CBR1: variants seen among roughly 807,000 people sequenced by gnomAD.
CBR1 encodes carbonyl reductase [NADPH] 1.
In CBR1, 11 loss-of-function variants were observed where a neutral mutation model predicts 10.6. That is an observed-to-expected ratio of 1.03 (90% CI 0.65 to 1.71). The LOEUF is 1.71. Among genes scored for constraint, CBR1 ranks in the 40% most tolerant of loss-of-function variants. The pLI, the probability that CBR1 is intolerant of heterozygous loss-of-function variation, is 0.00. For synonymous variants in CBR1, 158 were observed against 156.7 expected (o/e 1.01, Z -0.06); for missense variants, 361 against 368.6 (o/e 0.98, Z 0.17).
At chr21:36,072,017 A>G in intron 2 of CBR1, 1 of 1,522,356 alleles carries the variant, frequency 6.6e-7, no homozygotes, top group Non-Finnish European at 8.8e-7. Context: ...TAGTTACCCT[A>G]AGTAATGGGA....
chr21:36,072,723 C>T lies in CBR1; in HGVS notation c.675C>T (p.Ala225=), dbSNP rs1449269741. 29 of 1,614,024 alleles carry T rather than the reference C, an allele frequency of 1.8e-5. No homozygotes were observed. The highest frequency in any genetic ancestry group is 2.2e-5 in the Non-Finnish European group (26 of 1,180,038). The change falls in exon 3 of 3, where the codon GCC becomes GCT. Residue 225 remains alanine, a synonymous_variant. Transcript: ENST00000290349. ...QRKGDKILLN[A]CCPGWVRTDM... ...AAGGGGACAAGATCCTCCTGAATGCCTGCTGCCCAGGGTGGGTGAGAACTG... is the reference window on the plus strand; with the variant it reads ...AAGGGGACAAGATCCTCCTGAATGCTTGCTGCCCAGGGTGGGTGAGAACTG...
chr21:36,072,298 C>T, intron 2 of CBR1, 148 bp from the exon 3 acceptor site: 1 of 1,557,870 alleles, frequency 6.4e-7, no homozygotes, highest in Non-Finnish European at 8.7e-7. Flanking sequence ...TACCACCACA[C>T]TTTCTATGCG....
chr21:36,071,538 C>T (rs988018235), intron 2 of CBR1: 2 of 559,570 alleles, frequency 3.6e-6, no homozygotes, highest in Non-Finnish European at 6.4e-6. Flanking sequence ...CTTCCTGATG[C>T]CTTTCCCCAC....
chr21:36,070,861 T>TTTTG (rs1568956961), intron 1 of CBR1, 89 bp from the exon 2 acceptor site: 33 of 698,504 alleles, frequency 4.7e-5, no homozygotes, highest in South Asian at 1.2e-4. Context: ...AAGTTTTTTT[T>TTTTG]TTTTTTTTTT....
At chr21:36,070,467 C>T (rs556896935) in intron 1 of CBR1, 63 bp downstream of exon 1, 766 of 1,491,958 alleles carry the variant, frequency 5.1e-4, no homozygotes, top group Non-Finnish European at 6.6e-4. Context: ...CTGGCGTCTG[C>T]GGGGTCCATA....
Position 36,072,878 on chromosome 21 carries a change from G to A in CBR1, c.830G>A (p.Trp277Ter). 1 of 1,607,914 alleles carries A rather than the reference G, an allele frequency of 6.2e-7. No homozygotes were observed. The highest frequency in any genetic ancestry group is 8.5e-7 in the Non-Finnish European group (1 of 1,176,294). Reference sequence around the variant, plus strand: ...GTTTCAGAGAAGAGAGTTGAACAGTGGTGAGCTGGGCTCACAGCTCCATCC... The same window carrying A: ...GTTTCAGAGAAGAGAGTTGAACAGTAGTGAGCTGGGCTCACAGCTCCATCC... ...QFVSEKRVEQ[W>*] The change falls in exon 3 of 3, where the codon TGG becomes TAG. Residue 277 changes from tryptophan to a stop codon, truncating the protein, a stop_gained. Transcript: ENST00000290349. LOFTEE classifies it high-confidence loss of function.
chr21:36,072,553 G>A lies in CBR1; in HGVS notation c.505G>A (p.Val169Met), dbSNP rs557925178. The change falls in exon 3 of 3, where the codon GTG becomes ATG. Residue 169 changes from valine to methionine, a missense_variant. Coordinates refer to ENST00000290349, the MANE Select transcript of CBR1 (RefSeq NM_001757.4). ...RSETITEEEL[V>M]GLMNKFVEDT... Reference sequence around the variant, plus strand: ...TGAGACCATCACTGAGGAGGAGCTGGTGGGGCTCATGAACAAGTTTGTGGA... The same window carrying A: ...TGAGACCATCACTGAGGAGGAGCTGATGGGGCTCATGAACAAGTTTGTGGA... 33 of 1,600,954 alleles carry A rather than the reference G, an allele frequency of 2.1e-5. No individual in the cohort carries two copies. The highest frequency in any genetic ancestry group is 2.7e-5 in the Non-Finnish European group (32 of 1,174,108).
At chr21:36,071,840 A>T in intron 2 of CBR1, 1 of 1,535,944 alleles carries the variant, frequency 6.5e-7, no homozygotes, top group African/African-American at 1.4e-5. Context: ...CTGCATGGTC[A>T]TGCCTCTCCC....
rs763436504 is a variant in CBR1, at chr21:36,072,614, G to A, written c.566G>A (p.Trp189Ter). The A allele has an allele frequency of 1.9e-6, 3 of 1,605,190 alleles. No individual in the cohort carries two copies. The highest frequency in any genetic ancestry group is 2.6e-6 in the Non-Finnish European group (3 of 1,175,498). ...TKKGVHQKEG[W>*]PSSAYGVTKI... ...AAGGGAGTGCACCAGAAGGAGGGCT[G>A]GCCCAGCAGCGCATACGGGGTGACG... Residue 189 changes from tryptophan (W) to a stop codon, truncating the protein, a stop_gained, in exon 3 of 3, where the codon TGG becomes TAG. Transcript: ENST00000290349. LOFTEE classifies it low-confidence loss of function (END_TRUNC).
In CBR1 at chr21:36,072,656, T is replaced by C; in HGVS notation, c.608T>C (p.Val203Ala). Reference protein sequence around the residue: ...AYGVTKIGVTVLSRIHARKLS... With the variant: ...AYGVTKIGVTALSRIHARKLS... Reference sequence around the variant, plus strand: ...GGGGTGACGAAGATTGGCGTCACCGTTCTGTCCAGGATCCACGCCAGGAAA... The same window carrying C: ...GGGGTGACGAAGATTGGCGTCACCGCTCTGTCCAGGATCCACGCCAGGAAA... Residue 203 changes from valine to alanine, a missense_variant, in exon 3 of 3, where the codon GTT (valine) becomes GCT (alanine). Val to Ala is a moderately conservative substitution (Grantham distance 64). Coordinates refer to ENST00000290349, the MANE Select transcript of CBR1 (RefSeq NM_001757.4). The C allele has an allele frequency of 6.2e-7, 1 of 1,613,462 alleles. No individual in the cohort carries two copies. The highest frequency in any genetic ancestry group is 1.1e-5 in the South Asian group (1 of 91,040).
Position 36,070,072 on chromosome 21 carries a change from C to T in CBR1, c.-44C>T, listed in dbSNP as rs1216587416. ...CGCTGCGGGGCTCCCGGGCCTGAGC[C>T]AGGTCTGTTCTCCACGCAGGTGTTC... On this transcript the variant is annotated 5_prime_UTR_variant, in exon 1 of 3. Transcript: ENST00000290349. The T allele has an allele frequency of 4.8e-6, 7 of 1,453,432 alleles. No homozygotes were observed. In the East Asian group the frequency reaches 1.5e-4, roughly 32 times the overall value. 90.0% of individuals were successfully genotyped at this position (1,453,432 alleles called of 1,614,324 possible).
intron 2 of CBR1, chr21:36,071,978 C>G: frequency 6.5e-7 from 1 of 1,535,368 alleles, no homozygotes; most frequent in Non-Finnish European, 8.7e-7. Flanking sequence ...ACATGACTAT[C>G]ACATGTCTTT....
rs1043496971 is a variant in CBR1 at position 36,072,459 on chromosome 21, C to T, written c.411C>T (p.Asn137=). The change falls in exon 3 of 3, where the codon AAC becomes AAT. Residue 137 remains asparagine, a synonymous_variant. Transcript: ENST00000290349. ...PLIKPQGRVV[N]VSSIMSVRAL... ...GGTGTATCTTAGGGAGAGTGGTGAA[C>T]GTATCTAGCATCATGAGCGTCAGAG... is the stretch of plus-strand genomic sequence containing the variant. The T allele has an allele frequency of 1.9e-6, 3 of 1,614,084 alleles. No homozygotes were observed. Among genetic ancestry groups the T allele is most frequent in the Non-Finnish European group, 2.5e-6 (3 of 1,179,996 alleles).
rs532865639 is a variant in CBR1 at position 36,071,160 on chromosome 21, C to T, written c.397+103C>T. 101 of 807,842 alleles carry T rather than the reference C, an allele frequency of 1.3e-4. No homozygotes were observed. The East Asian group carries it at 2.3e-3, about 18-fold the overall frequency. 50.0% of individuals were successfully genotyped at this position (807,842 alleles called of 1,614,324 possible). A position where few individuals can be genotyped will look rare whatever the true frequency, so the allele number is the denominator to read the frequency against. On this transcript the variant is annotated intron_variant, in intron 2 of 2. Transcript: ENST00000290349. ...GCTCCTGCTTCCTCTCCATGCTGCA[C>T]GTGCACTGACCTCTGTGCTTTTTCT...
Position 36,070,256 on chromosome 21 carries a change from A to G in CBR1, c.141A>G (p.Val47=). The G allele has an allele frequency of 1.9e-6, 3 of 1,611,736 alleles. No homozygotes were observed. The highest frequency in any genetic ancestry group is 2.5e-6 in the Non-Finnish European group (3 of 1,179,728). The change falls in exon 1 of 3, where the codon GTA becomes GTG. Residue 47 remains valine, a synonymous_variant. Coordinates refer to ENST00000290349, the MANE Select transcript of CBR1 (RefSeq NM_001757.4). ...ACGTGACGCGGGGCCAGGCGGCCGT[A>G]CAGCAGCTGCAGGCGGAGGGCCTGA... ...ARDVTRGQAA[V]QQLQAEGLSP...
At chr21:36,071,801 T>C (rs2065353732) in intron 2 of CBR1, 2 of 1,527,408 alleles carry the variant, frequency 1.3e-6, no homozygotes, top group Non-Finnish European at 1.8e-6. Context: ...TCTTTTCCTC[T>C]TTTCCTTTCC....
chr21:36,071,894 A>T, intron 2 of CBR1: 1 of 1,536,072 alleles, frequency 6.5e-7, no homozygotes. Context: ...CATGGTTCAC[A>T]GAGATGTCCA....
chr21:36,072,806 A>G lies in CBR1; in HGVS notation c.758A>G (p.Tyr253Cys), dbSNP rs146879523. The change falls in exon 3 of 3, where the codon TAC becomes TGC. Residue 253 changes from tyrosine (Y) to cysteine (C), a missense_variant. Transcript: ENST00000290349. ...SPEEGAETPV[Y>C]LALLPPDAEG... The stretch of plus-strand genomic sequence containing the variant: ...GAAGAAGGTGCAGAGACCCCTGTGT[A>G]CTTGGCCCTTTTGCCCCCAGATGCT... 6.2e-7 allele frequency: 1 copy of G among 1,614,022 alleles called. No homozygotes were observed. Among genetic ancestry groups the G allele is most frequent in the Non-Finnish European group, 8.5e-7 (1 of 1,179,990 alleles).
chr21:36,071,951 C>T (rs575118509), intron 2 of CBR1: 7 of 1,535,958 alleles, frequency 4.6e-6, no homozygotes, highest in East Asian at 4.9e-5. Flanking sequence ...TCCCCTTCAA[C>T]GTGCTGAAGG....
Sources: gnomAD v4.1 joint callset for allele counts on GRCh38, gnomAD v4.1.1 for gene constraint, MANE v1.5 for transcripts, NCBI Gene and HGNC (gene_info 2026-07-23, HGNC 2026-07-21) for gene names.